The following NCOA2 variants were observed in gnomAD, a reference collection of about 807,000 sequenced individuals.
NCOA2 encodes the protein nuclear receptor coactivator 2.
A neutral mutation model predicts 145.1 loss-of-function variants in NCOA2; 21 were observed. The observed-to-expected ratio is 0.14, with a 90% CI of 0.10 to 0.21. The LOEUF is 0.21. NCOA2 is among the 10% of genes least tolerant of loss of function. The probability of loss-of-function intolerance (pLI) is 1.00; values close to 1 mark genes in which losing one functional copy is unlikely to be tolerated. For synonymous variants in NCOA2, 619 were observed against 637.5 expected (o/e 0.97, Z 0.44); for missense variants, 1,472 against 1,837.6 (o/e 0.80, Z 3.64).
the NCOA2 span, among the ~76,000 whole-genome samples, chr8:70,439,152 G>C: frequency 3.3e-5 from 5 of 152,034 alleles, no homozygotes; most frequent in South Asian, 1.0e-3. Context: ...TTTTATCTGT[G>C]GTTTAAATTC....
At chr8:70,373,618 C>A (rs1489685949) in intron 1 of NCOA2, among the ~76,000 whole-genome samples, 1 of 152,064 alleles carries the variant, frequency 6.6e-6, no homozygotes, top group African/African-American at 2.4e-5. Flanking sequence ...CCTTGCCTAA[C>A]CAAAGTTGAT....
chr8:70,310,346 C>CAA (rs34849703), intron 1 of NCOA2, among the ~76,000 whole-genome samples: 4,186 of 72,088 alleles, frequency 0.058, 71 homozygotes, highest in East Asian at 0.12. Context: ...TCTGTCTTCC[C>CAA]AAAAAAAAAA....
At chr8:70,208,048 C>T (rs1041115330) in intron 4 of NCOA2, among the ~76,000 whole-genome samples, 1 of 151,240 alleles carries the variant, frequency 6.6e-6, no homozygotes, top group Admixed American at 6.6e-5. Context: ...CTTAAGAGTT[C>T]GAGACCAGCC....
chr8:70,382,449 T>C lies in NCOA2; in HGVS notation c.-77+21251A>G, dbSNP rs559483455. Among the ~76,000 whole-genome samples, 4 of 152,304 alleles carry C rather than the reference T, an allele frequency of 2.6e-5. No homozygotes were observed. In the South Asian group the frequency reaches 6.2e-4, roughly 24 times the overall value. ...AAGGAAGAAAGAGAACAAAGAAATCTTGGCCCCAATGTGATAAAGTCAGGA... is the reference window on the plus strand; with the variant it reads ...AAGGAAGAAAGAGAACAAAGAAATCCTGGCCCCAATGTGATAAAGTCAGGA... On this transcript the variant is annotated intron_variant, in intron 1 of 22. Transcript: ENST00000452400.
At position 70,396,801 on chromosome 8, in the gene NCOA2, G is replaced by A. The variant is rs139403597; in HGVS notation, c.-77+6899C>T. ...ATTCAAATCTATTCATCCTTCTTAC[G>A]GACTTAACAAGTAGACTGAGCCTTA... On this transcript the variant is annotated intron_variant, in intron 1 of 22. Transcript: ENST00000452400. 3.1e-3 allele frequency among the ~76,000 whole-genome samples: 470 copies of A among 152,204 alleles called. 1 individual carries two copies. The highest frequency in any genetic ancestry group is 0.011 in the African/African-American group (452 of 41,528).
chr8:70,128,422 T>C lies in NCOA2; in HGVS notation c.3681+11A>G. The stretch of plus-strand genomic sequence containing the variant: ...ATACAATGAAAGCTAATGGCTGGTA[T>C]GTTGCCTTACCTGTGTTGGTACTCC... On this transcript the variant is annotated intron_variant, in intron 18 of 22. Coordinates refer to ENST00000452400, the MANE Select transcript of NCOA2 (RefSeq NM_006540.4). 6.2e-7 allele frequency: 1 copy of C among 1,607,412 alleles called. No homozygotes were observed. The highest frequency in any genetic ancestry group is 8.5e-7 in the Non-Finnish European group (1 of 1,176,320).
intron 2 of NCOA2, chr8:70,245,480 C>T (rs190916374): frequency 1.5e-3 from 234 of 152,112 alleles, no homozygotes; most frequent in African/African-American, 5.1e-3. Flanking sequence ...TAAGCCTCTA[C>T]CCCTCCTGCT....
intron 16 of NCOA2, among the ~76,000 whole-genome samples, chr8:70,130,105 G>A (rs1352202044): frequency 6.6e-6 from 1 of 152,200 alleles, no homozygotes; most frequent in Non-Finnish European, 1.5e-5. Flanking sequence ...GGAGCCCACT[G>A]CCCTCCCTAT....
At chr8:70,225,200 G>C (rs1018638832) in intron 2 of NCOA2, among the ~76,000 whole-genome samples, 1 of 152,104 alleles carries the variant, frequency 6.6e-6, no homozygotes, top group Non-Finnish European at 1.5e-5. Flanking sequence ...AGAGGGTGGG[G>C]AATAGTAAAA....
At chr8:70,403,360 C>T (rs971313890) in intron 1 of NCOA2, among the ~76,000 whole-genome samples, 2 of 151,298 alleles carry the variant, frequency 1.3e-5, no homozygotes, top group African/African-American at 4.8e-5. Context: ...GGGCTGCAGC[C>T]TCCGCCCGCC....
At chr8:70,326,689 T>C (rs1025547734) in intron 1 of NCOA2, among the ~76,000 whole-genome samples, 3 of 152,190 alleles carry the variant, frequency 2.0e-5, no homozygotes, top group African/African-American at 7.2e-5. Flanking sequence ...GCTCAAAAGC[T>C]AGCAAAGTTT....
intron 1 of NCOA2, among the ~76,000 whole-genome samples, chr8:70,376,049 G>C (rs1291132967): frequency 6.6e-6 from 1 of 152,054 alleles, no homozygotes; most frequent in African/African-American, 2.4e-5. Context: ...AACTTTAGTA[G>C]TAAAATACCT....
chr8:70,172,745 T>C (rs1814394883), intron 5 of NCOA2, among the ~76,000 whole-genome samples: 1 of 152,230 alleles, frequency 6.6e-6, no homozygotes, highest in South Asian at 2.1e-4. Context: ...ATATTACCTA[T>C]GGTTCATTTT....
At chr8:70,121,598 T>TA (rs1807829368) in intron 21 of NCOA2, among the ~76,000 whole-genome samples, 1 of 152,358 alleles carries the variant, frequency 6.6e-6, no homozygotes, top group East Asian at 1.9e-4. Flanking sequence ...CATGAAATAC[T>TA]AGCTGCCTTC....
intron 1 of NCOA2, among the ~76,000 whole-genome samples, chr8:70,392,813 C>A (rs1262112272): frequency 6.6e-6 from 1 of 152,124 alleles, no homozygotes; most frequent in African/African-American, 2.4e-5. Context: ...TTTAATAAGT[C>A]CAGGTGTGAA....
intron 7 of NCOA2, among the ~76,000 whole-genome samples, chr8:70,165,089 A>G (rs1813462000): frequency 6.6e-6 from 1 of 152,230 alleles, no homozygotes; most frequent in African/African-American, 2.4e-5. Context: ...TATAAAGCAC[A>G]AAGTAATAAA....
At chr8:70,190,285 A>C (rs2133226595) in intron 4 of NCOA2, among the ~76,000 whole-genome samples, 1 of 152,352 alleles carries the variant, frequency 6.6e-6, no homozygotes, top group African/African-American at 2.4e-5. Context: ...TAAGTGGTAG[A>C]CTTAGAGAAA....
At chr8:70,329,324 T>G (rs898784840) in intron 1 of NCOA2, among the ~76,000 whole-genome samples, 1 of 151,794 alleles carries the variant, frequency 6.6e-6, no homozygotes, top group Non-Finnish European at 1.5e-5. Flanking sequence ...GCCATGTGGA[T>G]GGTCTCAAAC....
chr8:70,265,922 G>A (rs1000362675), intron 2 of NCOA2, among the ~76,000 whole-genome samples: 1 of 151,910 alleles, frequency 6.6e-6, no homozygotes, highest in South Asian at 2.1e-4. Flanking sequence ...GAGGGATCAC[G>A]AGATCAAGAA....
Sources: gnomAD v4.1 joint callset for allele counts (sites outside exome capture counted in the v4.1 genomes callset) on GRCh38, gnomAD v4.1.1 for gene constraint, MANE v1.5 for transcripts, NCBI Gene and HGNC (gene_info 2026-07-23, HGNC 2026-07-21) for gene names.